Variants in LHFPL6 observed in about 807,000 individuals in gnomAD.
LHFPL6 encodes the protein LHFPL tetraspan subfamily member 6.
A neutral mutation model predicts 20.6 loss-of-function variants in LHFPL6; 9 were observed. That is an observed-to-expected ratio of 0.44 (90% confidence interval 0.26 to 0.76). The LOEUF (loss-of-function observed/expected upper bound fraction) is 0.76, where lower values mean the gene tolerates loss of function less well. Among genes scored for constraint, LHFPL6 ranks in the 30% least tolerant of loss-of-function variants. The pLI, the probability that LHFPL6 is intolerant of heterozygous loss-of-function variation, is 0.20. For synonymous variants in LHFPL6, 105 were observed against 98.7 expected (o/e 1.06, Z -0.38); for missense variants, 218 against 253.5 (o/e 0.86, Z 0.95).
chr13:39,567,486 T>C (rs912494350), intron 2 of LHFPL6, among the ~76,000 whole-genome samples: 1 of 152,162 alleles, frequency 6.6e-6, no homozygotes, highest in African/African-American at 2.4e-5. Context: ...CAGAGCAAGA[T>C]CTAACAGACT....
At chr13:39,469,379 A>G (rs1331743999) in intron 2 of LHFPL6, among the ~76,000 whole-genome samples, 2 of 152,140 alleles carry the variant, frequency 1.3e-5, no homozygotes, top group Non-Finnish European at 2.9e-5. Context: ...TTACCAGTGT[A>G]GTTCAAATAG....
intron 2 of LHFPL6, among the ~76,000 whole-genome samples, chr13:39,584,817 T>C (rs1872398511): frequency 6.6e-6 from 1 of 152,044 alleles, no homozygotes; most frequent in African/African-American, 2.4e-5. Flanking sequence ...CCATTGTAGT[T>C]CCCTTCTAGA....
intron 2 of LHFPL6, among the ~76,000 whole-genome samples, chr13:39,440,118 G>T (rs879178476): frequency 3.3e-5 from 5 of 152,186 alleles, no homozygotes; most frequent in Admixed American, 3.3e-4. Flanking sequence ...GAGAGAGAGA[G>T]ATCACATAAC....
At chr13:39,584,270 G>A (rs4561327) in intron 2 of LHFPL6, among the ~76,000 whole-genome samples, 4,240 of 152,172 alleles carry the variant, frequency 0.028, 121 homozygotes, top group African/African-American at 0.068. Context: ...GGCCGGGCAC[G>A]GTGGCTCACA....
chr13:39,455,723 C>T (rs994099068), intron 2 of LHFPL6, among the ~76,000 whole-genome samples: 1 of 152,104 alleles, frequency 6.6e-6, no homozygotes, highest in Non-Finnish European at 1.5e-5. Context: ...TGCTGCGAAG[C>T]GATTACTTCA....
At chr13:39,501,560 T>C (rs944526216) in intron 2 of LHFPL6, among the ~76,000 whole-genome samples, 3 of 152,202 alleles carry the variant, frequency 2.0e-5, no homozygotes, top group African/African-American at 4.8e-5. Context: ...ATATTGAGGC[T>C]TCCCCCCAGG....
At chr13:39,501,736 C>G (rs1162985385) in intron 2 of LHFPL6, among the ~76,000 whole-genome samples, 1 of 152,150 alleles carries the variant, frequency 6.6e-6, no homozygotes, top group Non-Finnish European at 1.5e-5. Flanking sequence ...GCTGGAACCC[C>G]TGCTCTTAGT....
chr13:39,351,943 AG>A (rs200857666), intron 3 of LHFPL6, among the ~76,000 whole-genome samples: 2,203 of 152,306 alleles, frequency 0.014, 33 homozygotes, highest in South Asian at 0.044. Context: ...GTTGTGATAC[AG>A]GGGGGCTGCC....
At chr13:39,502,814 T>C (rs915585485) in intron 2 of LHFPL6, among the ~76,000 whole-genome samples, 3 of 152,224 alleles carry the variant, frequency 2.0e-5, no homozygotes, top group Non-Finnish European at 4.4e-5. Context: ...ACAGATTCCT[T>C]AACATGACAG....
chr13:39,560,404 A>G (rs1187426803), intron 2 of LHFPL6, among the ~76,000 whole-genome samples: 1 of 151,780 alleles, frequency 6.6e-6, no homozygotes, highest in Non-Finnish European at 1.5e-5. Flanking sequence ...AGCCTGTGGA[A>G]GTCTAAAAAC....
chr13:39,440,575 A>C (rs557405002), intron 2 of LHFPL6, among the ~76,000 whole-genome samples: 2 of 152,170 alleles, frequency 1.3e-5, no homozygotes, highest in South Asian at 4.2e-4. Context: ...CCTTTCTTGG[A>C]GCTTGATATG....
At chr13:39,506,108 G>T (rs1230274786) in intron 2 of LHFPL6, among the ~76,000 whole-genome samples, 1 of 152,130 alleles carries the variant, frequency 6.6e-6, no homozygotes, top group Non-Finnish European at 1.5e-5. Context: ...TAATAATATG[G>T]TTTTATACTA....
intron 2 of LHFPL6, among the ~76,000 whole-genome samples, chr13:39,505,831 C>T (rs1358436172): frequency 1.3e-5 from 2 of 152,164 alleles, no homozygotes; most frequent in African/African-American, 4.8e-5. Flanking sequence ...GTATTATCCA[C>T]TTTTATACAT....
intron 2 of LHFPL6, among the ~76,000 whole-genome samples, chr13:39,559,435 T>G (rs1366109209): frequency 1.3e-5 from 2 of 152,110 alleles, no homozygotes; most frequent in African/African-American, 2.4e-5. Context: ...ATATCCAAAG[T>G]AGGGCACAGA....
intron 2 of LHFPL6, among the ~76,000 whole-genome samples, chr13:39,417,244 A>G (rs1413500465): frequency 6.6e-6 from 1 of 152,204 alleles, no homozygotes; most frequent in East Asian, 1.9e-4. Flanking sequence ...TCCCAAAGGC[A>G]CTGTTGGTTA....
intron 2 of LHFPL6, among the ~76,000 whole-genome samples, chr13:39,560,427 TAC>T (rs1871434148): frequency 6.6e-6 from 1 of 151,814 alleles, no homozygotes; most frequent in Non-Finnish European, 1.5e-5. Context: ...GCCTCTCAAC[TAC>T]AGTCTTACTC....
chr13:39,458,425 G>A (rs1872618685), intron 2 of LHFPL6, among the ~76,000 whole-genome samples: 1 of 152,118 alleles, frequency 6.6e-6, no homozygotes, highest in Non-Finnish European at 1.5e-5. Context: ...AGCCAGGCGC[G>A]GTGGCTCATG....
intron 2 of LHFPL6, among the ~76,000 whole-genome samples, chr13:39,480,845 T>G (rs1208674925): frequency 6.6e-6 from 1 of 152,048 alleles, no homozygotes; most frequent in Non-Finnish European, 1.5e-5. Flanking sequence ...CATTTTAAGG[T>G]CAAAAAATGG....
intron 2 of LHFPL6, among the ~76,000 whole-genome samples, chr13:39,472,125 G>C (rs2148935): frequency 1 from 152,334 of 152,336 alleles, 76,166 homozygotes; most frequent in Non-Finnish European, 1. Context: ...TTTTCCATCT[G>C]ATCTCCCTGG....
Sources: allele counts gnomAD v4.1 joint callset (sites outside exome capture counted in the v4.1 genomes callset), GRCh38; gene constraint gnomAD v4.1.1; transcripts MANE v1.5; gene names NCBI Gene and HGNC (gene_info 2026-07-23, HGNC 2026-07-21).